Variants in DOCK2 observed in about 807,000 individuals in gnomAD.
The protein encoded by DOCK2 is dedicator of cytokinesis 2.
DOCK2 carries 87 observed loss-of-function variants against 248.9 expected under a neutral mutation model. That is an observed-to-expected ratio of 0.35 (90% CI 0.29 to 0.42). DOCK2 has a LOEUF of 0.42. Among genes scored for constraint, DOCK2 ranks in the 10% least tolerant of loss-of-function variants. The pLI is 1.00. For synonymous variants in DOCK2, 805 were observed against 821.6 expected, an observed-to-expected ratio of 0.98 and a Z score of 0.35; for missense variants, 1,747 against 2,300.2, an observed-to-expected ratio of 0.76 and a Z score of 4.92.
intron 22 of DOCK2, among the ~76,000 whole-genome samples, chr5:169,724,751 CTTT>C (rs57297495): frequency 2.8e-5 from 4 of 145,150 alleles, no homozygotes; most frequent in African/African-American, 7.6e-5. Context: ...TTTCTTTTGT[CTTT>C]TTTTTTTTTT....
chr5:169,905,031 T>C (rs1774196176), intron 27 of DOCK2, among the ~76,000 whole-genome samples: 1 of 152,124 alleles, frequency 6.6e-6, no homozygotes, highest in Non-Finnish European at 1.5e-5. Flanking sequence ...ATGAAGATAG[T>C]AGTCATGACA....
chr5:170,046,675 A>G (rs943944191), intron 39 of DOCK2, among the ~76,000 whole-genome samples: 5 of 152,184 alleles, frequency 3.3e-5, no homozygotes, highest in African/African-American at 1.2e-4. Flanking sequence ...ACAAATACAC[A>G]CACATGTGCT....
intron 32 of DOCK2, among the ~76,000 whole-genome samples, chr5:170,016,324 CTT>C (rs558088653): frequency 9.1e-4 from 139 of 152,304 alleles, no homozygotes; most frequent in African/African-American, 3.2e-3. Flanking sequence ...TGCATGAGCA[CTT>C]TTTTTCCCAA....
At chr5:169,979,422 C>T (rs116498881) in intron 27 of DOCK2, among the ~76,000 whole-genome samples, 26 of 152,294 alleles carry the variant, frequency 1.7e-4, no homozygotes, top group African/African-American at 5.8e-4. Context: ...AAAAGAGACA[C>T]ACATCAGAGA....
intron 48 of DOCK2, 69 bp from the exon 49 acceptor site, chr5:170,078,906 G>A: frequency 1.3e-6 from 2 of 1,574,642 alleles, no homozygotes; most frequent in Middle Eastern, 3.9e-4. Flanking sequence ...TCAGCTTCCT[G>A]GGTCCTTGCA....
chr5:169,864,077 C>T (rs999195910), intron 27 of DOCK2, among the ~76,000 whole-genome samples: 1 of 152,170 alleles, frequency 6.6e-6, no homozygotes, highest in Non-Finnish European at 1.5e-5. Flanking sequence ...AGCAAGCAGT[C>T]GCACGCACTC....
At chr5:169,869,624 A>C (rs1267680779) in intron 27 of DOCK2, among the ~76,000 whole-genome samples, 1 of 152,332 alleles carries the variant, frequency 6.6e-6, no homozygotes, top group East Asian at 1.9e-4. Flanking sequence ...GGTAGAAAAG[A>C]GAAGATGCAT....
At chr5:169,879,976 CT>C (rs1772543700) in intron 27 of DOCK2, among the ~76,000 whole-genome samples, 1 of 152,142 alleles carries the variant, frequency 6.6e-6, no homozygotes, top group Admixed American at 6.6e-5. Flanking sequence ...ATTAATTCTT[CT>C]TGTTTATGAT....
At chr5:170,014,754 G>T (rs573962299) in intron 32 of DOCK2, among the ~76,000 whole-genome samples, 25 of 152,298 alleles carry the variant, frequency 1.6e-4, no homozygotes, top group African/African-American at 5.5e-4. Context: ...CAGTAGGCAG[G>T]TGGAGGGAGG....
At chr5:169,912,576 G>A (rs191490994) in intron 27 of DOCK2, among the ~76,000 whole-genome samples, 239 of 151,984 alleles carry the variant, frequency 1.6e-3, no homozygotes, top group Non-Finnish European at 3.0e-3. Flanking sequence ...AAACCATTAC[G>A]TTGTAAACAG....
At chr5:169,708,687 C>G (rs141462200) in intron 15 of DOCK2, among the ~76,000 whole-genome samples, 58 of 152,190 alleles carry the variant, frequency 3.8e-4, no homozygotes, top group Non-Finnish European at 7.2e-4. Context: ...GTCTCAGCCC[C>G]CTGAGTAGTT....
intron 27 of DOCK2, among the ~76,000 whole-genome samples, chr5:169,965,060 G>GGGTGCCACTTGC (rs1777245219): frequency 6.6e-6 from 1 of 152,172 alleles, no homozygotes; most frequent in Non-Finnish European, 1.5e-5. Flanking sequence ...AAGCCCTACT[G>GGGTGCCACTTGC]TGTGCCACTT....
intron 27 of DOCK2, among the ~76,000 whole-genome samples, chr5:169,937,624 C>G (rs1302842016): frequency 1.6e-5 from 2 of 128,808 alleles, no homozygotes; most frequent in African/African-American, 5.9e-5. Context: ...CCATAACAAC[C>G]TATGAGGGAG....
intron 27 of DOCK2, among the ~76,000 whole-genome samples, chr5:169,902,592 C>T (rs1169818156): frequency 6.6e-6 from 1 of 152,198 alleles, no homozygotes; most frequent in Admixed American, 6.5e-5. Context: ...TTGTAGACTG[C>T]ACCCCGCTGA....
In DOCK2 at chr5:169,972,947, G is replaced by A. The variant is rs536600123; in HGVS notation, c.2800-10121G>A. On this transcript the variant is annotated intron_variant, in intron 27 of 51. Coordinates refer to ENST00000520908, the MANE Select transcript of DOCK2 (RefSeq NM_004946.3). ...TGTTAGCAGATCCTAGTACCTGAGTGTGCTGTGACTAGCAGATCTCTTGCA... is the reference window on the plus strand; with the variant it reads ...TGTTAGCAGATCCTAGTACCTGAGTATGCTGTGACTAGCAGATCTCTTGCA... 1.4e-4 allele frequency among the ~76,000 whole-genome samples: 21 copies of A among 152,258 alleles called. 1 individual carries two copies. In the South Asian group the frequency reaches 4.1e-3, roughly 30 times the overall value.
At chr5:170,023,345 T>C (rs1396226340) in intron 33 of DOCK2, among the ~76,000 whole-genome samples, 1 of 152,212 alleles carries the variant, frequency 6.6e-6, no homozygotes, top group Admixed American at 6.5e-5. Flanking sequence ...CCACTGAGAC[T>C]GCATCTTGGC....
chr5:169,768,054 C>T (rs759625512), intron 25 of DOCK2, among the ~76,000 whole-genome samples: 1 of 152,198 alleles, frequency 6.6e-6, no homozygotes, highest in Non-Finnish European at 1.5e-5. Flanking sequence ...CCAGCTGGTG[C>T]ATGTGGCCTC....
At chr5:169,668,063 C>T (rs1758833029) in intron 2 of DOCK2, among the ~76,000 whole-genome samples, 2 of 152,142 alleles carry the variant, frequency 1.3e-5, no homozygotes, top group African/African-American at 4.8e-5. Flanking sequence ...TGTTGAAAAC[C>T]TGACACTGCA....
intron 27 of DOCK2, among the ~76,000 whole-genome samples, chr5:169,972,829 T>G (rs1451836966): frequency 6.6e-6 from 1 of 152,176 alleles, no homozygotes; most frequent in Non-Finnish European, 1.5e-5. Context: ...ACACCTTCAG[T>G]GTGTCCTTGC....
Sources: gnomAD v4.1 joint callset for allele counts (sites outside exome capture counted in the v4.1 genomes callset) on GRCh38, gnomAD v4.1.1 for gene constraint, MANE v1.5 for transcripts, NCBI Gene and HGNC (gene_info 2026-07-23, HGNC 2026-07-21) for gene names.